Variants in ARHGAP45 observed in about 807,000 individuals in gnomAD.
ARHGAP45 encodes Rho GTPase activating protein 45, also known as rho GTPase-activating protein 45.
ARHGAP45 carries 56 observed loss-of-function variants against 116.1 expected under a neutral mutation model. That is an observed-to-expected ratio of 0.48 (90% CI 0.39 to 0.60). The LOEUF (loss-of-function observed/expected upper bound fraction) is 0.60, where lower values mean the gene tolerates loss of function less well. Among genes scored for constraint, ARHGAP45 ranks in the 20% least tolerant of loss-of-function variants. The probability of loss-of-function intolerance (pLI) is 0.00; values close to 1 mark genes in which losing one functional copy is unlikely to be tolerated. For missense variants in ARHGAP45, 1,622 were observed against 1,601.0 expected, an observed-to-expected ratio of 1.01 and a Z score of -0.22; for synonymous variants, 866 against 701.7, an observed-to-expected ratio of 1.23 and a Z score of -3.70.
At chr19:1,083,723 G>T (rs538546224) in intron 21 of ARHGAP45, among the ~76,000 whole-genome samples, 18 of 152,222 alleles carry the variant, frequency 1.2e-4, no homozygotes, top group Non-Finnish European at 2.2e-4. Flanking sequence ...ACTCCGCCGC[G>T]AGGTCAATTC....
intron 17 of ARHGAP45, chr19:1,081,344 G>A (rs1568477739): frequency 3.0e-6 from 2 of 659,536 alleles, no homozygotes; most frequent in Non-Finnish European, 5.0e-6. Context: ...GCTGTGTCCA[G>A]AAAACCAAGG....
chr19:1,085,604 GTCTC>G (rs1209694475), intron 22 of ARHGAP45, 52 bp from the exon 23 acceptor site: 11 of 1,307,402 alleles, frequency 8.4e-6, no homozygotes, highest in Non-Finnish European at 1.0e-5. Context: ...CCCTCCCCTT[GTCTC>G]TCCTCCATCT....
At chr19:1,084,368 C>A in intron 22 of ARHGAP45, 22 bp downstream of exon 22, 2 of 1,586,494 alleles carry the variant, frequency 1.3e-6, no homozygotes. Context: ...GCTGCCCGAA[C>A]GGCCCCAAGG....
Position 1,068,616 on chromosome 19 carries a change from C to T in ARHGAP45, c.293C>T (p.Ala98Val). Residue 98 changes from alanine (A) to valine (V), a missense_variant, in exon 2 of 23, where the codon GCC (alanine) becomes GTC (valine). By Grantham distance (64) the Ala-to-Val change is moderately conservative. Around this residue, in one of 3 missense-constraint regions of ARHGAP45, gnomAD observed 279 missense variants for 311.9 expected, o/e 0.89. Coordinates refer to ENST00000313093, the MANE Select transcript of ARHGAP45 (RefSeq NM_012292.5). This position sits in a 1 kb window ranked among gnomAD's most constrained non-coding sequence, Gnocchi z 7.5. Reference sequence around the variant, plus strand: ...AGCCACCGGAGCCCACTGACAGCCGCCAGCCCGGGCGAGCTGCCCACCGAG... The same window carrying T: ...AGCCACCGGAGCCCACTGACAGCCGTCAGCCCGGGCGAGCTGCCCACCGAG... ...GRSHRSPLTA[A>V]SPGELPTEGA... 1 of 1,611,466 alleles carries T rather than the reference C, an allele frequency of 6.2e-7. No homozygotes were observed. The highest frequency in any genetic ancestry group is 8.5e-7 in the Non-Finnish European group (1 of 1,179,270).
At chr19:1,067,532 G>C in intron 1 of ARHGAP45, 37 bp downstream of exon 1, 2 of 1,534,828 alleles carry the variant, frequency 1.3e-6, no homozygotes, top group Non-Finnish European at 1.8e-6. Flanking sequence ...AGCTGACGCC[G>C]GGCCGCAGGG....
chr19:1,074,173 TG>T lies in ARHGAP45; in HGVS notation c.861del (p.Tyr288MetfsTer9). On this transcript the variant is annotated frameshift_variant, in exon 7 of 23. Transcript: ENST00000313093. LOFTEE classifies it high-confidence loss of function. ...RCEGGVDAAL[L>X]YAKNMAKYMK... Reference sequence around the variant, plus strand: ...GAGGGGGGCGTGGATGCCGCACTGCTGTATGCCAAGAACATGGCCAAGTACA... The same window carrying T: ...GAGGGGGGCGTGGATGCCGCACTGCTTATGCCAAGAACATGGCCAAGTACA... The T allele has an allele frequency of 6.2e-7, 1 of 1,613,476 alleles. No homozygotes were observed. Among genetic ancestry groups the T allele is most frequent in the Non-Finnish European group, 8.5e-7 (1 of 1,180,004 alleles).
chr19:1,082,636 T>G, intron 19 of ARHGAP45: 3 of 529,468 alleles, frequency 5.7e-6, no homozygotes, highest in South Asian at 2.7e-5. Context: ...AGAAAGGGAG[T>G]GGAGCTGCGG....
At position 1,083,053 on chromosome 19, in the gene ARHGAP45, C is replaced by T. The variant is rs951597909; in HGVS notation, c.2731C>T (p.Arg911Cys). The change falls in exon 20 of 23, where the codon CGT (arginine) becomes TGT (cysteine). Residue 911 changes from arginine to cysteine, a missense_variant. By Grantham distance (180) the Arg-to-Cys change is radical. This residue lies in a region of ARHGAP45 where 1,334 missense variants were observed against 1,263.8 expected (regional missense o/e 1.06). Coordinates refer to ENST00000313093, the MANE Select transcript of ARHGAP45 (RefSeq NM_012292.5). ...CCGGGCCTCGCTGCAGTACCTGCTG[C>T]GTCACCTACGCAGGTGAGTCCCGGC... Reference protein sequence around the residue: ...ENRASLQYLLRHLRRIVEVEQ... With the variant: ...ENRASLQYLLCHLRRIVEVEQ... 7 of 1,547,342 alleles carry T rather than the reference C, an allele frequency of 4.5e-6. No individual in the cohort carries two copies. In the Admixed American group the frequency reaches 9.5e-5, roughly 21 times the overall value.
rs760254126 is a variant in ARHGAP45, at chr19:1,077,343, G to A, written c.1186-514G>A. 9.0e-6 allele frequency: 9 copies of A among 995,240 alleles called. No individual in the cohort carries two copies. The Admixed American group carries it at 3.4e-4, about 37-fold the overall frequency. 61.7% of individuals were successfully genotyped at this position (995,240 alleles called of 1,614,324 possible). ...GGGCACACAGGACACCCATTTCTCC[G>A]AGTGTCCTGTTACGGGTGCCTCCTC... On this transcript the variant is annotated intron_variant, in intron 10 of 22. Coordinates refer to ENST00000313093, the MANE Select transcript of ARHGAP45 (RefSeq NM_012292.5).
In ARHGAP45 at chr19:1,067,247, G is replaced by GC. The variant is rs529103165; in HGVS notation, c.-159_-158insC. The stretch of plus-strand genomic sequence containing the variant: ...CGCCTCCCCGAAGCCTTTTCCTGTT[G>GC]GGGGGAGGGCCCGCCAGTGACGGCC... On this transcript the variant is annotated 5_prime_UTR_variant, in exon 1 of 23. Coordinates refer to ENST00000313093, the MANE Select transcript of ARHGAP45 (RefSeq NM_012292.5). The GC allele has an allele frequency of 0.012, 15,046 of 1,265,458 alleles. 106 individuals carry two copies. The highest frequency in any genetic ancestry group is 0.014 in the South Asian group (769 of 54,678). 78.4% of individuals were successfully genotyped at this position (1,265,458 alleles called of 1,614,324 possible).
In ARHGAP45 at chr19:1,074,109, C is replaced by A; in HGVS notation, c.796C>A (p.Leu266Met). 6.2e-7 allele frequency: 1 copy of A among 1,611,936 alleles called. No individual in the cohort carries two copies. Among genetic ancestry groups the A allele is most frequent in the Non-Finnish European group, 8.5e-7 (1 of 1,179,340 alleles). The change falls in exon 7 of 23, where the codon CTG (leucine) becomes ATG (methionine). Residue 266 changes from leucine to methionine, a missense_variant. Leu to Met is a conservative substitution (Grantham distance 15, BLOSUM62 2). Around this residue, in one of 3 missense-constraint regions of ARHGAP45, gnomAD observed 1,334 missense variants for 1,263.8 expected, o/e 1.06. Coordinates refer to ENST00000313093, the MANE Select transcript of ARHGAP45 (RefSeq NM_012292.5). ...PSLEDCDAGC[L>M]PAEEVDVLLQ... ...CAGGCCCCCGTTCCCTGCAGGCTGC[C>A]TGCCCGCCGAGGAGGTGGACGTGCT...
chr19:1,080,162 C>G (rs753606051), intron 13 of ARHGAP45, 44 bp downstream of exon 13: 6 of 1,610,174 alleles, frequency 3.7e-6, no homozygotes, highest in Non-Finnish European at 5.1e-6. Flanking sequence ...CAAGGCCCTG[C>G]CTGGGAGCCG....
upstream of ARHGAP45, among the ~76,000 whole-genome samples, chr19:1,066,833 C>G (rs977328815): frequency 4.6e-5 from 7 of 151,452 alleles, no homozygotes; most frequent in Non-Finnish European, 8.8e-5. Flanking sequence ...GGCGGTGGAG[C>G]GGGCTTGCCT....
rs1317866663 is a variant in ARHGAP45 at position 1,086,027 on chromosome 19, A to C, written c.*21A>C. ...TGTGAGCTGGGGTGGGGCTGGGACC[A>C]CAGGTGGCTTCTCTCTTGCCTGCTC... On this transcript the variant is annotated 3_prime_UTR_variant, in exon 23 of 23. Transcript: ENST00000313093. 7 of 1,595,686 alleles carry C rather than the reference A, an allele frequency of 4.4e-6. No individual in the cohort carries two copies. The highest frequency in any genetic ancestry group is 1.7e-5 in the Admixed American group (1 of 59,502).
upstream of ARHGAP45, chr19:1,067,093 C>T (rs942154570): frequency 8.4e-6 from 8 of 953,328 alleles, no homozygotes; most frequent in South Asian, 9.5e-5. Flanking sequence ...GGCGCGGCTC[C>T]GAGCTCCCGA....
intron 10 of ARHGAP45, among the ~76,000 whole-genome samples, chr19:1,076,036 C>T (rs75498927): frequency 0.028 from 4,244 of 152,168 alleles, 192 homozygotes; most frequent in African/African-American, 0.098. Context: ...CCCCTTTTTT[C>T]GGCTGTGCAG....
At chr19:1,065,999 C>G (rs1568444913), upstream of ARHGAP45, 5 of 1,532,096 alleles carry the variant, frequency 3.3e-6, no homozygotes, top group Non-Finnish European at 4.4e-6. Flanking sequence ...AGCTGACCCT[C>G]ACCCTCTGAC....
chr19:1,074,115 GC>G lies in ARHGAP45; in HGVS notation c.804del (p.Glu269ArgfsTer28). On this transcript the variant is annotated frameshift_variant, in exon 7 of 23. Coordinates refer to ENST00000313093, the MANE Select transcript of ARHGAP45 (RefSeq NM_012292.5). LOFTEE classifies it high-confidence loss of function. ...LEDCDAGCLP[A>X]EEVDVLLQRC... ...CCCGTTCCCTGCAGGCTGCCTGCCCGCCGAGGAGGTGGACGTGCTGCTACAG... is the reference window on the plus strand; with the variant it reads ...CCCGTTCCCTGCAGGCTGCCTGCCCGCGAGGAGGTGGACGTGCTGCTACAG... The G allele has an allele frequency of 6.2e-7, 1 of 1,612,352 alleles. No individual in the cohort carries two copies.
rs2043529588 is a variant in ARHGAP45 at position 1,084,202 on chromosome 19, C to G, written c.2956-36C>G. On this transcript the variant is annotated intron_variant, in intron 21 of 22. Coordinates refer to ENST00000313093, the MANE Select transcript of ARHGAP45 (RefSeq NM_012292.5). Reference sequence around the variant, plus strand: ...TAATTTATAACATGGAAAATGGAGCCCCGGCCCCTCTATGACTTCCGTTCT... The same window carrying G: ...TAATTTATAACATGGAAAATGGAGCGCCGGCCCCTCTATGACTTCCGTTCT... 4 of 1,574,608 alleles carry G rather than the reference C, an allele frequency of 2.5e-6. No individual in the cohort carries two copies. In the Admixed American group the frequency reaches 6.7e-5, roughly 26 times the overall value.
Sources: allele counts gnomAD v4.1 joint callset (sites outside exome capture counted in the v4.1 genomes callset), GRCh38; gene constraint gnomAD v4.1.1; regional missense constraint gnomAD v4.1.1; non-coding constraint Gnocchi (gnomAD v3.1); transcripts MANE v1.5; gene names NCBI Gene and HGNC (gene_info 2026-07-23, HGNC 2026-07-21).